Variants in BMPR1B observed in about 807,000 individuals in gnomAD.
The protein encoded by BMPR1B is bone morphogenetic protein receptor type 1B.
A neutral mutation model predicts 59.1 loss-of-function variants in BMPR1B; 12 were observed. The observed-to-expected ratio is 0.20, with a 90% CI of 0.13 to 0.33. The LOEUF is 0.33. Ranked by LOEUF, BMPR1B falls within the 10% of genes least tolerant of loss-of-function variation. The pLI is 1.00. For synonymous variants in BMPR1B, 237 were observed against 207.3 expected (o/e 1.14, Z -1.23); for missense variants, 550 against 610.9 (o/e 0.90, Z 1.05).
At chr4:94,883,439 C>T (rs539629429) in intron 2 of BMPR1B, among the ~76,000 whole-genome samples, 37 of 152,240 alleles carry the variant, frequency 2.4e-4, no homozygotes, top group African/African-American at 5.8e-4. Flanking sequence ...GCTTATTCTC[C>T]AAGGATCTCA....
At chr4:95,105,289 G>A (rs932594139) in intron 4 of BMPR1B, among the ~76,000 whole-genome samples, 13 of 152,036 alleles carry the variant, frequency 8.6e-5, no homozygotes, top group African/African-American at 2.7e-4. Flanking sequence ...AGAGAAGTGG[G>A]TCAGCTATCT....
intron 6 of BMPR1B, among the ~76,000 whole-genome samples, chr4:95,120,714 TCTTTCTC>T (rs1311452905): frequency 4.7e-5 from 7 of 149,994 alleles, no homozygotes; most frequent in African/African-American, 1.7e-4. Flanking sequence ...TCTCTCTCTC[TCTTTCTC>T]TCTCTCTCTT....
chr4:95,006,523 A>G (rs577659014), intron 3 of BMPR1B, among the ~76,000 whole-genome samples: 3 of 151,420 alleles, frequency 2.0e-5, no homozygotes, highest in Non-Finnish European at 4.4e-5. Context: ...AAGGGAGATA[A>G]GAAATCAAAT....
At chr4:94,804,539 A>T (rs1286927656) in intron 1 of BMPR1B, among the ~76,000 whole-genome samples, 2 of 151,940 alleles carry the variant, frequency 1.3e-5, no homozygotes, top group Non-Finnish European at 2.9e-5. Context: ...ACAACCAAAG[A>T]GAAATCAGAC....
intron 2 of BMPR1B, among the ~76,000 whole-genome samples, chr4:94,952,874 C>T (rs1730001035): frequency 1.3e-5 from 2 of 152,056 alleles, no homozygotes; most frequent in Non-Finnish European, 2.9e-5. Flanking sequence ...AACTCTGCCA[C>T]TATTATAGTG....
chr4:95,109,900 C>T (rs6832016), intron 4 of BMPR1B, among the ~76,000 whole-genome samples: 25 of 138,720 alleles, frequency 1.8e-4, no homozygotes, highest in African/African-American at 5.9e-4. Flanking sequence ...GTGATGTTCC[C>T]CTTCCTGTGT....
chr4:94,804,443 T>C (rs1723532200), intron 1 of BMPR1B, among the ~76,000 whole-genome samples: 1 of 152,206 alleles, frequency 6.6e-6, no homozygotes, highest in African/African-American at 2.4e-5. Context: ...TTGTTAAATA[T>C]CTATTGATTT....
chr4:95,091,431 A>AAGGG, intron 3 of BMPR1B: 1 of 980,122 alleles, frequency 1.0e-6, no homozygotes, highest in African/African-American at 1.7e-5. Context: ...TACTGAGAAA[A>AAGGG]ACAGCTGAGC....
intron 1 of BMPR1B, among the ~76,000 whole-genome samples, chr4:94,866,585 T>G (rs1300143731): frequency 6.6e-6 from 1 of 152,080 alleles, no homozygotes; most frequent in Non-Finnish European, 1.5e-5. Context: ...TTTTTGTTTT[T>G]GTTTGTATGT....
intron 1 of BMPR1B, among the ~76,000 whole-genome samples, chr4:94,765,227 A>G (rs1237878225): frequency 6.6e-6 from 1 of 152,168 alleles, no homozygotes; most frequent in African/African-American, 2.4e-5. Context: ...ATAGTTTTGT[A>G]TATATGTATG....
intron 1 of BMPR1B, among the ~76,000 whole-genome samples, chr4:94,810,524 C>T (rs1001986384): frequency 3.3e-5 from 5 of 151,958 alleles, no homozygotes; most frequent in African/African-American, 1.2e-4. Flanking sequence ...GCCCAGAGGA[C>T]AAGAATACAG....
At chr4:95,138,676 C>G (rs1733987858) in intron 10 of BMPR1B, among the ~76,000 whole-genome samples, 1 of 152,180 alleles carries the variant, frequency 6.6e-6, no homozygotes. Flanking sequence ...ATCACTGATA[C>G]CCTTTCTTTC....
intron 1 of BMPR1B, among the ~76,000 whole-genome samples, chr4:94,848,542 G>C (rs13127833): frequency 0.61 from 92,883 of 151,928 alleles, 29,352 homozygotes; most frequent in African/African-American, 0.77. Flanking sequence ...TAGTAAGAGG[G>C]AGATCAGAGA....
intron 1 of BMPR1B, among the ~76,000 whole-genome samples, chr4:94,862,773 G>A (rs770210818): frequency 1.8e-4 from 28 of 151,456 alleles, no homozygotes; most frequent in Non-Finnish European, 2.9e-4. Context: ...GTGAAACCCC[G>A]TCTCTACTAA....
intron 1 of BMPR1B, among the ~76,000 whole-genome samples, chr4:94,820,500 T>A (rs575097772): frequency 5.3e-5 from 8 of 152,170 alleles, no homozygotes; most frequent in Non-Finnish European, 7.4e-5. Flanking sequence ...ATGCAGAGTG[T>A]TCCATGGATA....
intron 2 of BMPR1B, among the ~76,000 whole-genome samples, chr4:94,900,563 A>T (rs990544687): frequency 5.1e-4 from 77 of 152,160 alleles, no homozygotes; most frequent in African/African-American, 1.8e-3. Flanking sequence ...CAGAATAAGG[A>T]AAGTTAACAA....
chr4:94,872,710 C>T (rs1048363009), intron 1 of BMPR1B, among the ~76,000 whole-genome samples: 1 of 152,046 alleles, frequency 6.6e-6, no homozygotes, highest in African/African-American at 2.4e-5. Flanking sequence ...TGAGCTAGTC[C>T]CTGTCTCAAA....
chr4:95,037,918 T>G (rs1274386060), intron 3 of BMPR1B, among the ~76,000 whole-genome samples: 2 of 152,158 alleles, frequency 1.3e-5, no homozygotes, highest in African/African-American at 2.4e-5. Flanking sequence ...CTGAGGGTTT[T>G]GTACTCAAGT....
intron 2 of BMPR1B, among the ~76,000 whole-genome samples, chr4:94,989,192 C>T (rs962831399): frequency 6.6e-6 from 1 of 151,750 alleles, no homozygotes. Context: ...AGATCGAGAC[C>T]ATCCTGGCCA....
Sources: gnomAD v4.1 joint callset for allele counts (sites outside exome capture counted in the v4.1 genomes callset) on GRCh38, gnomAD v4.1.1 for gene constraint, MANE v1.5 for transcripts, NCBI Gene and HGNC (gene_info 2026-07-23, HGNC 2026-07-21) for gene names.